The following NSG2 variants were observed in gnomAD, a reference collection of about 807,000 sequenced individuals.
The protein encoded by NSG2 is neuronal vesicle trafficking associated 2, also known as neuronal vesicle trafficking-associated protein 2.
NSG2 carries 4 observed loss-of-function variants against 16.9 expected under a neutral mutation model. That is an observed-to-expected ratio of 0.24 (90% CI 0.12 to 0.54). NSG2 has a LOEUF of 0.54. Ranked by LOEUF, NSG2 falls within the 20% of genes least tolerant of loss-of-function variation. The pLI, the probability that NSG2 is intolerant of heterozygous loss-of-function variation, is 0.95. For synonymous variants in NSG2, 98 were observed against 88.7 expected (o/e 1.11, Z -0.59); for missense variants, 179 against 221.1 (o/e 0.81, Z 1.21).
chr5:174,088,079 T>C (rs984139022), intron 3 of NSG2, among the ~76,000 whole-genome samples: 1 of 152,204 alleles, frequency 6.6e-6, no homozygotes, highest in African/African-American at 2.4e-5. Flanking sequence ...CAAGAGAGGA[T>C]CTTTACAGGA....
intron 4 of NSG2, among the ~76,000 whole-genome samples, chr5:174,105,732 C>G (rs921483441): frequency 6.6e-6 from 1 of 152,162 alleles, no homozygotes; most frequent in Non-Finnish European, 1.5e-5. Context: ...GAAACCCCGT[C>G]TCTACTAAAA....
chr5:174,092,263 A>G (rs1169250399), intron 3 of NSG2, among the ~76,000 whole-genome samples: 1 of 152,256 alleles, frequency 6.6e-6, no homozygotes, highest in Non-Finnish European at 1.5e-5. Context: ...CAGCCCCACC[A>G]TGCAATGTTC....
At chr5:174,075,096 C>T (rs1253039950) in intron 3 of NSG2, among the ~76,000 whole-genome samples, 1 of 152,138 alleles carries the variant, frequency 6.6e-6, no homozygotes, top group East Asian at 1.9e-4. Context: ...TAATTATTTG[C>T]AGTAATAAAT....
In NSG2 at chr5:174,077,125, C is replaced by T. The variant is rs377742734; in HGVS notation, c.213+12810C>T. Among the ~76,000 whole-genome samples, 158 of 152,280 alleles carry T rather than the reference C, an allele frequency of 1.0e-3. No individual in the cohort carries two copies. The South Asian group carries it at 0.015, about 14-fold the overall frequency. ...ACAGGAAGTGCGATACTGCACAACC[C>T]TAAACAGACCCAATATGATTGTTTT... On this transcript the variant is annotated intron_variant, in intron 3 of 4. Coordinates refer to ENST00000303177, the MANE Select transcript of NSG2 (RefSeq NM_015980.5).
chr5:174,106,551 C>T (rs9313665), intron 4 of NSG2, among the ~76,000 whole-genome samples: 3,453 of 136,548 alleles, frequency 0.025, 125 homozygotes, highest in African/African-American at 0.086. Flanking sequence ...AATGCAAATA[C>T]ATCATTACAT....
At chr5:174,050,310 T>C (rs1054232808) in intron 2 of NSG2, among the ~76,000 whole-genome samples, 1 of 152,206 alleles carries the variant, frequency 6.6e-6, no homozygotes, top group Non-Finnish European at 1.5e-5. Flanking sequence ...TATCCTTTAG[T>C]AGTATGAAAT....
chr5:174,054,711 T>C (rs1479704686), intron 2 of NSG2, among the ~76,000 whole-genome samples: 1 of 152,172 alleles, frequency 6.6e-6, no homozygotes, highest in Admixed American at 6.5e-5. Flanking sequence ...ATCACCCCCA[T>C]TTCACAGACA....
At chr5:174,088,078 A>T (rs1458963683) in intron 3 of NSG2, among the ~76,000 whole-genome samples, 1 of 152,152 alleles carries the variant, frequency 6.6e-6, no homozygotes, top group African/African-American at 2.4e-5. Context: ...CCAAGAGAGG[A>T]TCTTTACAGG....
intron 3 of NSG2, among the ~76,000 whole-genome samples, chr5:174,073,908 C>A (rs181141245): frequency 6.6e-6 from 1 of 152,258 alleles, no homozygotes; most frequent in East Asian, 1.9e-4. Flanking sequence ...ATAGTGAGCA[C>A]TCTTGTTTCC....
At chr5:174,105,027 A>ATAGTAT (rs5873405) in intron 4 of NSG2, among the ~76,000 whole-genome samples, 1 of 151,724 alleles carries the variant, frequency 6.6e-6, no homozygotes, top group Admixed American at 6.6e-5. Context: ...AACACAGCTG[A>ATAGTAT]TAATATTTAT....
At chr5:174,093,959 C>T (rs1760757840) in intron 3 of NSG2, among the ~76,000 whole-genome samples, 1 of 152,170 alleles carries the variant, frequency 6.6e-6, no homozygotes, top group South Asian at 2.1e-4. Context: ...TTCCTAATTC[C>T]TGAGGTTTCT....
At chr5:174,067,854 T>C (rs759794598) in intron 3 of NSG2, among the ~76,000 whole-genome samples, 15 of 152,018 alleles carry the variant, frequency 9.9e-5, no homozygotes, top group East Asian at 3.9e-4. Context: ...AGGAAGGGCA[T>C]TGGGGGACTC....
intron 3 of NSG2, among the ~76,000 whole-genome samples, chr5:174,076,026 A>G (rs1760335614): frequency 6.6e-6 from 1 of 152,206 alleles, no homozygotes; most frequent in Admixed American, 6.5e-5. Context: ...ACCTGAACCC[A>G]GTTTTACTTT....
chr5:174,076,796 G>T (rs918042654), intron 3 of NSG2, among the ~76,000 whole-genome samples: 12 of 152,184 alleles, frequency 7.9e-5, no homozygotes, highest in African/African-American at 2.9e-4. Flanking sequence ...TTGGTCTCTA[G>T]TGGGTAGAGG....
chr5:174,047,020 T>C, intron 2 of NSG2, 136 bp downstream of exon 2: 1 of 876,416 alleles, frequency 1.1e-6, no homozygotes, highest in Non-Finnish European at 1.8e-6. Context: ...TAAAATGTAG[T>C]TATTCCTTCC....
At chr5:174,070,391 T>A (rs78522839) in intron 3 of NSG2, among the ~76,000 whole-genome samples, 2,945 of 152,248 alleles carry the variant, frequency 0.019, 99 homozygotes, top group African/African-American at 0.067. Flanking sequence ...CCAGGAAATG[T>A]CAGAACAAAG....
Position 174,079,269 on chromosome 5 carries a change from T to A in NSG2, c.213+14954T>A, listed in dbSNP as rs994600178. Among the ~76,000 whole-genome samples, 659 of 151,970 alleles carry A rather than the reference T, an allele frequency of 4.3e-3. 5 individuals carry two copies. Among genetic ancestry groups the A allele is most frequent in the African/African-American group, 0.015 (627 of 41,402 alleles). On this transcript the variant is annotated intron_variant, in intron 3 of 4. Coordinates refer to ENST00000303177, the MANE Select transcript of NSG2 (RefSeq NM_015980.5). ...TCTTTCTCTCTCTCTCTCTCTTTTT[T>A]TTTTTTTAGATGGAGTCTTGCTCTG...
chr5:174,051,117 G>T (rs1759882047), intron 2 of NSG2, among the ~76,000 whole-genome samples: 1 of 152,104 alleles, frequency 6.6e-6, no homozygotes, highest in African/African-American at 2.4e-5. Context: ...TCTCTCCCTG[G>T]GGGGCAGTTA....
chr5:174,092,590 T>G (rs1223572119), intron 3 of NSG2, among the ~76,000 whole-genome samples: 3 of 152,206 alleles, frequency 2.0e-5, no homozygotes, highest in Non-Finnish European at 4.4e-5. Context: ...CGAACCAAAT[T>G]CATAAATCCT....
Sources: gnomAD v4.1 joint callset for allele counts (sites outside exome capture counted in the v4.1 genomes callset) on GRCh38, gnomAD v4.1.1 for gene constraint, MANE v1.5 for transcripts, NCBI Gene and HGNC (gene_info 2026-07-23, HGNC 2026-07-21) for gene names.